KCNC2: variants seen among roughly 807,000 people sequenced by gnomAD.
The protein encoded by KCNC2 is voltage-gated potassium channel KCNC2.
In KCNC2, 21 loss-of-function variants were observed where a neutral mutation model predicts 44.5. That is an observed-to-expected ratio of 0.47 (90% CI 0.33 to 0.68). The LOEUF is 0.68. KCNC2 is among the 30% of genes least tolerant of loss of function. The pLI, the probability that KCNC2 is intolerant of heterozygous loss-of-function variation, is 0.01. For missense variants in KCNC2, 589 were observed against 826.2 expected, an observed-to-expected ratio of 0.71 and a Z score of 3.52; for synonymous variants, 391 against 339.1, an observed-to-expected ratio of 1.15 and a Z score of -1.68.
At chr12:75,095,352 T>G (rs2137151449) in intron 2 of KCNC2, among the ~76,000 whole-genome samples, 1 of 151,870 alleles carries the variant, frequency 6.6e-6, no homozygotes, top group South Asian at 2.1e-4. Context: ...TGGTTTAATC[T>G]CCCACTGTTG....
chr12:75,154,265 G>A (rs1319759841), intron 2 of KCNC2, among the ~76,000 whole-genome samples: 1 of 151,980 alleles, frequency 6.6e-6, no homozygotes, highest in African/African-American at 2.4e-5. Flanking sequence ...TGTTGTATCA[G>A]GAGAAATGGT....
intron 2 of KCNC2, among the ~76,000 whole-genome samples, chr12:75,150,963 T>C (rs922116539): frequency 7.2e-5 from 11 of 151,952 alleles, no homozygotes; most frequent in Non-Finnish European, 1.3e-4. Context: ...ACTTAAGATA[T>C]CTGCTTCCAT....
intron 2 of KCNC2, among the ~76,000 whole-genome samples, chr12:75,136,780 C>T (rs894690880): frequency 6.6e-6 from 1 of 152,106 alleles, no homozygotes; most frequent in Non-Finnish European, 1.5e-5. Flanking sequence ...CCTACTGAAA[C>T]TGTTCCAAAA....
intron 2 of KCNC2, among the ~76,000 whole-genome samples, chr12:75,103,720 C>A (rs923821648): frequency 2.0e-5 from 3 of 152,126 alleles, no homozygotes; most frequent in African/African-American, 7.2e-5. Context: ...CCTGAAACTG[C>A]AAATAGTACC....
At chr12:75,169,842 C>G (rs114983827) in intron 2 of KCNC2, among the ~76,000 whole-genome samples, 1,550 of 151,764 alleles carry the variant, frequency 0.01, 32 homozygotes, top group African/African-American at 0.036. Context: ...AATCTCTTAT[C>G]CTTTCACAGG....
chr12:75,108,460 A>G (rs1457516200), intron 2 of KCNC2, among the ~76,000 whole-genome samples: 12 of 152,172 alleles, frequency 7.9e-5, no homozygotes, highest in Non-Finnish European at 1.8e-4. Flanking sequence ...AGACCCTGCC[A>G]TTTTTCTCCT....
Position 75,207,717 on chromosome 12 carries a change from G to A in KCNC2, c.267C>T (p.Gly89=). Reference sequence around the variant, plus strand: ...CACCGGGATGGTCGCTGGCCCTGCCGCCGCGGGAACTGCAGTTGCCCGCGC... The same window carrying A: ...CACCGGGATGGTCGCTGGCCCTGCCACCGCGGGAACTGCAGTTGCCCGCGC... ...EGGAGNCSSR[G]GRASDHPGGG... Residue 89 remains glycine, a synonymous_variant, in exon 2 of 5, where the codon GGC becomes GGT. Transcript: ENST00000549446. The surrounding 1 kb of genome is among the most constrained non-coding windows in gnomAD (Gnocchi z 4.1). 3 of 1,577,610 alleles carry A rather than the reference G, an allele frequency of 1.9e-6. No individual in the cohort carries two copies. Among genetic ancestry groups the A allele is most frequent in the Non-Finnish European group, 2.6e-6 (3 of 1,162,234 alleles).
chr12:75,078,293 T>C (rs1457735508), intron 2 of KCNC2, among the ~76,000 whole-genome samples: 1 of 152,160 alleles, frequency 6.6e-6, no homozygotes, highest in Non-Finnish European at 1.5e-5. Flanking sequence ...GACGGCACTG[T>C]GTTATGACTC....
At chr12:75,069,385 C>T (rs1883173061) in intron 2 of KCNC2, among the ~76,000 whole-genome samples, 1 of 152,042 alleles carries the variant, frequency 6.6e-6, no homozygotes, top group South Asian at 2.1e-4. Context: ...ATCCGCCCGC[C>T]TCAGCCTCCC....
chr12:75,050,478 G>A lies in KCNC2; in HGVS notation c.1527C>T (p.Cys509=), dbSNP rs1427811377. Residue 509 remains cysteine (C), a synonymous_variant, in exon 3 of 5, where the codon TGC becomes TGT. Transcript: ENST00000549446. ...PAPQASSPTF[C]KTELNMACNS... is the part of the protein sequence containing the mutation. ...TGCAGGCCATATTTAATTCTGTCTTGCAAAAAGTAGGTGAGCTTGCCTGAG... is the reference window on the plus strand; with the variant it reads ...TGCAGGCCATATTTAATTCTGTCTTACAAAAAGTAGGTGAGCTTGCCTGAG... 6.2e-7 allele frequency: 1 copy of A among 1,613,524 alleles called. No homozygotes were observed. Among genetic ancestry groups the A allele is most frequent in the South Asian group, 1.1e-5 (1 of 91,072 alleles).
At chr12:75,204,352 ATTCAG>A (rs1049414858) in intron 2 of KCNC2, among the ~76,000 whole-genome samples, 4 of 152,072 alleles carry the variant, frequency 2.6e-5, no homozygotes, top group African/African-American at 9.6e-5. Flanking sequence ...TCAATTAATT[ATTCAG>A]TTCCTATCAC....
At chr12:75,100,737 G>A (rs2061406) in intron 2 of KCNC2, among the ~76,000 whole-genome samples, 23,677 of 151,906 alleles carry the variant, frequency 0.16, 2,218 homozygotes, top group Admixed American at 0.25. Context: ...CCTGTATATT[G>A]TCAATATGTT....
At chr12:75,085,063 T>C (rs1188700418) in intron 2 of KCNC2, among the ~76,000 whole-genome samples, 1 of 151,926 alleles carries the variant, frequency 6.6e-6, no homozygotes, top group Non-Finnish European at 1.5e-5. Context: ...CTATTTCTAG[T>C]ATTTTTTAAT....
chr12:75,188,933 GA>G (rs1272144746), intron 2 of KCNC2, among the ~76,000 whole-genome samples: 2 of 151,666 alleles, frequency 1.3e-5, no homozygotes, highest in Non-Finnish European at 2.9e-5. Flanking sequence ...AATAGCCCAG[GA>G]AACTCAGTAC....
chr12:75,051,317 A>C lies in KCNC2; in HGVS notation c.688T>G (p.Phe230Val), dbSNP rs566570303. The change falls in exon 3 of 5, where the codon TTT (phenylalanine) becomes GTT (valine). Residue 230 changes from phenylalanine (F) to valine (V), a missense_variant and splice_region_variant. Coordinates refer to ENST00000549446, the MANE Select transcript of KCNC2 (RefSeq NM_139137.4). ...EDPYSSRAAR[F>V]IAFASLFFIL... The stretch of plus-strand genomic sequence containing the variant: ...AAGAATAAAGAAGCAAAAGCAATAA[A>C]CTGTAGAGGAAAAAGAAATAAAAAA... The C allele has an allele frequency of 1.6e-5, 24 of 1,541,620 alleles. No individual in the cohort carries two copies. The South Asian group carries it at 2.5e-4, about 16-fold the overall frequency.
intron 2 of KCNC2, among the ~76,000 whole-genome samples, chr12:75,182,449 G>A (rs1210825294): frequency 6.6e-6 from 1 of 150,454 alleles, no homozygotes; most frequent in Non-Finnish European, 1.5e-5. Context: ...CGTGAACCTG[G>A]GAGGCGGAGC....
rs191563414 is a variant in KCNC2, at chr12:75,110,235, A to G, written c.688-58918T>C. On this transcript the variant is annotated intron_variant, in intron 2 of 4. Transcript: ENST00000549446. ...GGGGGAAAAAAAACCAACATATTTT[A>G]TATGCATCCTGGTAAATTATTCTGA... 7.2e-5 allele frequency among the ~76,000 whole-genome samples: 11 copies of G among 152,288 alleles called. No homozygotes were observed. In the East Asian group the frequency reaches 1.9e-3, roughly 27 times the overall value.
chr12:75,198,182 G>A (rs1055972393), intron 2 of KCNC2, among the ~76,000 whole-genome samples: 12 of 151,690 alleles, frequency 7.9e-5, no homozygotes, highest in Non-Finnish European at 1.6e-4. Flanking sequence ...TTCTAGCATT[G>A]CATTCTAAGT....
At chr12:75,095,181 C>A (rs555456895) in intron 2 of KCNC2, among the ~76,000 whole-genome samples, 3 of 151,870 alleles carry the variant, frequency 2.0e-5, no homozygotes, top group Admixed American at 2.0e-4. Flanking sequence ...ATTATTAGTA[C>A]ATAAAATTAC....
Sources: gnomAD v4.1 joint callset for allele counts (sites outside exome capture counted in the v4.1 genomes callset) on GRCh38, gnomAD v4.1.1 for gene constraint, Gnocchi (gnomAD v3.1) non-coding constraint, MANE v1.5 for transcripts, NCBI Gene and HGNC (gene_info 2026-07-23, HGNC 2026-07-21) for gene names.